Variants in HR observed in about 807,000 individuals in gnomAD.
HR encodes HR lysine demethylase and nuclear receptor corepressor, also known as lysine-specific demethylase hairless.
Under a neutral mutation model 128.6 loss-of-function variants are expected in HR, and 83 were observed. That is an observed-to-expected ratio of 0.65 (90% CI 0.54 to 0.77). The LOEUF (loss-of-function observed/expected upper bound fraction) is 0.77, where lower values mean the gene tolerates loss of function less well. Ranked by LOEUF, HR falls within the 30% of genes least tolerant of loss-of-function variation. The probability of loss-of-function intolerance (pLI) is 0.00; values close to 1 mark genes in which losing one functional copy is unlikely to be tolerated. For missense variants in HR, 1,490 were observed against 1,574.6 expected (o/e 0.95, Z 0.91); for synonymous variants, 681 against 658.2 (o/e 1.03, Z -0.53).
Position 22,128,600 on chromosome 8 carries a change from C to G in HR, c.571G>C (p.Gly191Arg). ...LTPHPWVYSG[G>R]QPKVPSAFSL... is the part of the protein sequence containing the mutation. ...AAGGCAGAGGGCACTTTGGGCTGGC[C>G]CCCGGAGTATACCCAGGGGTGCGGG... is the stretch of plus-strand genomic sequence containing the variant. The change falls in exon 2 of 19, where the codon GGC (glycine) becomes CGC (arginine). Residue 191 changes from glycine (G) to arginine (R), a missense_variant. Transcript: ENST00000381418. 1 of 1,608,838 alleles carries G rather than the reference C, an allele frequency of 6.2e-7. No homozygotes were observed. The highest frequency in any genetic ancestry group is 8.5e-7 in the Non-Finnish European group (1 of 1,178,446).
At chr8:22,124,174 G>A (rs1423713781) in intron 5 of HR, among the ~76,000 whole-genome samples, 1 of 152,164 alleles carries the variant, frequency 6.6e-6, no homozygotes, top group African/African-American at 2.4e-5. Context: ...TTCCCTCCAA[G>A]CCCTAGGTGC....
In HR at chr8:22,125,667, G is replaced by A; in HGVS notation, c.1471C>T (p.Pro491Ser). ...GLQDIPCLAL[P>S]AKLAQCQSCA... ...CTTTGGCATTGAGCCAGTTTTGCAG[G>A]GAGAGCCAGGCATGGTATGTCCTGA... Residue 491 changes from proline (P) to serine (S), a missense_variant, in exon 4 of 19, where the codon CCT (proline) becomes TCT (serine). By Grantham distance (74) the Pro-to-Ser change is moderately conservative. Coordinates refer to ENST00000381418, the MANE Select transcript of HR (RefSeq NM_005144.5). 1.2e-6 allele frequency: 2 copies of A among 1,613,704 alleles called. No homozygotes were observed. Among genetic ancestry groups the A allele is most frequent in the Non-Finnish European group, 1.7e-6 (2 of 1,179,920 alleles).
At chr8:22,121,821 A>G in intron 8 of HR, 127 bp from the exon 9 acceptor site, 2 of 920,796 alleles carry the variant, frequency 2.2e-6, no homozygotes, top group South Asian at 2.8e-5. Flanking sequence ...TATAGGAGCA[A>G]AATGCCATAG....
intron 8 of HR, 114 bp downstream of exon 8, chr8:22,122,379 A>T: frequency 1.4e-6 from 1 of 735,870 alleles, no homozygotes; most frequent in Non-Finnish European, 2.3e-6. Flanking sequence ...AATTAGCCTG[A>T]TCCCACAGGC....
intron 18 of HR, 67 bp from the exon 19 acceptor site, chr8:22,115,829 C>T (rs1223239951): frequency 1.3e-6 from 2 of 1,498,518 alleles, no homozygotes; most frequent in Non-Finnish European, 1.8e-6. Flanking sequence ...GTCCCCCACC[C>T]TACTTAAAAG....
intron 7 of HR, 28 bp from the exon 8 acceptor site, chr8:22,122,636 A>AGGTT (rs1367842413): frequency 7.6e-6 from 12 of 1,572,630 alleles, no homozygotes; most frequent in Non-Finnish European, 1.0e-5. Flanking sequence ...CAGGAGAGGG[A>AGGTT]GGTTGGTGGT....
In HR at chr8:22,123,671, A is replaced by G. The variant is rs780456629; in HGVS notation, c.1893T>C (p.Thr631=). The G allele has an allele frequency of 1.1e-4, 140 of 1,225,176 alleles. 1 individual carries two copies. The highest frequency in any genetic ancestry group is 1.0e-3 in the South Asian group (76 of 76,276). The allele number at this position is 1,225,176 out of a possible 1,614,324, so 75.9% of individuals were successfully genotyped here. A position where few individuals can be genotyped will look rare whatever the true frequency, so the allele number is the denominator to read the frequency against. The change falls in exon 6 of 19, where the codon ACT becomes ACC. Residue 631 remains threonine (T), a synonymous_variant. Transcript: ENST00000381418. ...TACCTGCTTTCTCCCTGGCCCGCCC[A>G]GTGCCTGCCACACGACCACAGGCCA... ...LCVACGRVAG[T]GRAREKAGFQ...
rs1444254529 is a variant in HR at position 22,116,464 on chromosome 8, T to G, written c.3379-36A>C. The G allele has an allele frequency of 1.9e-6, 3 of 1,606,670 alleles. No homozygotes were observed. Among genetic ancestry groups the G allele is most frequent in the Non-Finnish European group, 2.5e-6 (3 of 1,176,620 alleles). On this transcript the variant is annotated intron_variant, in intron 17 of 18. Coordinates refer to ENST00000381418, the MANE Select transcript of HR (RefSeq NM_005144.5). The surrounding 1 kb of genome is among the most constrained non-coding windows in gnomAD (Gnocchi z 4.2). ...GGGACATGGACAGTGAGGCTCAAGA[T>G]CACACATCCTCTCCCTGTCCCCCTG...
chr8:22,120,615 T>C, intron 11 of HR, 101 bp downstream of exon 11: 1 of 1,576,470 alleles, frequency 6.3e-7, no homozygotes, highest in Admixed American at 1.7e-5. Flanking sequence ...ACAGCCCTCC[T>C]GCTCCCCCTG....
At chr8:22,118,619 T>TG in intron 16 of HR, 1 of 398,620 alleles carries the variant, frequency 2.5e-6, no homozygotes, top group Non-Finnish European at 4.7e-6. Context: ...AAAGGAGCAG[T>TG]GCCTGCCTCA....
intron 14 of HR, 61 bp downstream of exon 14, chr8:22,119,699 C>T: frequency 6.4e-7 from 1 of 1,552,410 alleles, no homozygotes; most frequent in Non-Finnish European, 8.7e-7. Context: ...CTCGTGTGCC[C>T]CGAGATGACA....
Position 22,127,186 on chromosome 8 carries a change from A to T in HR, c.1256T>A (p.Val419Asp), listed in dbSNP as rs1586384655. 6.2e-7 allele frequency: 1 copy of T among 1,612,770 alleles called. No homozygotes were observed. Among genetic ancestry groups the T allele is most frequent in the African/African-American group, 1.3e-5 (1 of 74,934 alleles). Residue 419 changes from valine (V) to aspartate (D), a missense_variant, in exon 3 of 19, where the codon GTC becomes GAC. Val to Asp is a radical substitution (Grantham distance 152, BLOSUM62 -3). This residue lies in a region of HR where 1,060 missense variants were observed against 1,060.9 expected (regional missense o/e 1.00). Coordinates refer to ENST00000381418, the MANE Select transcript of HR (RefSeq NM_005144.5). Reference sequence around the variant, plus strand: ...GGCTGGACTGCCCATTGCTCCCTGGACCTCGGGGCTGCCTGCCCTTTTGAG... The same window carrying T: ...GGCTGGACTGCCCATTGCTCCCTGGTCCTCGGGGCTGCCTGCCCTTTTGAG... ...RALKRAGSPE[V>D]QGAMGSPAPK...
At chr8:22,124,414 A>G (rs1270025168) in intron 5 of HR, among the ~76,000 whole-genome samples, 3 of 152,182 alleles carry the variant, frequency 2.0e-5, no homozygotes, top group African/African-American at 7.2e-5. Context: ...GTTTTCTAAG[A>G]ACCAAGTATG....
Position 22,127,486 on chromosome 8 carries a change from G to T in HR, c.956C>A (p.Pro319Gln). 6.2e-7 allele frequency: 1 copy of T among 1,611,396 alleles called. No homozygotes were observed. Residue 319 changes from proline to glutamine, a missense_variant, in exon 3 of 19, where the codon CCG becomes CAG. Pro to Gln is a moderately conservative substitution (Grantham distance 76, BLOSUM62 -1). Transcript: ENST00000381418. ...ACAGCAGCCCCGCTGGGTGACAGGC[G>T]GCTCAGGAGAGGGGCACCTTGGTGT... The part of the protein sequence containing the change: ...PATPRCPSPE[P>Q]PVTQRGCCSS...
chr8:22,125,454 G>C lies in HR; in HGVS notation c.1607C>G (p.Ser536Cys). 6.2e-7 allele frequency: 1 copy of C among 1,613,530 alleles called. No individual in the cohort carries two copies. ...GGACCCTGGGCCTTCCTCAGAGCTG[G>C]AGTTGGTGGCTGTGTCTTCCTCCTG... is the stretch of plus-strand genomic sequence containing the variant. Reference protein sequence around the residue: ...LQQEEDTATNSSSEEGPGSGP... With the variant: ...LQQEEDTATNCSSEEGPGSGP... Residue 536 changes from serine to cysteine, a missense_variant, in exon 5 of 19, where the codon TCC becomes TGC. Ser to Cys is a moderately radical substitution (Grantham distance 112). Transcript: ENST00000381418.
intron 1 of HR, among the ~76,000 whole-genome samples, 156 bp from the exon 2 acceptor site, chr8:22,129,366 A>G (rs1410206837): frequency 6.6e-6 from 1 of 152,194 alleles, no homozygotes; most frequent in African/African-American, 2.4e-5. Flanking sequence ...GCCTCTCCAC[A>G]TGCAGCCAGA....
intron 2 of HR, 62 bp from the exon 3 acceptor site, chr8:22,127,891 G>A: frequency 6.8e-7 from 1 of 1,481,062 alleles, no homozygotes. Context: ...TAAATGGATG[G>A]GCAGAACTGA....
intron 10 of HR, 41 bp downstream of exon 10, chr8:22,121,024 G>A: frequency 6.2e-7 from 1 of 1,612,918 alleles, no homozygotes; most frequent in Non-Finnish European, 8.5e-7. Context: ...CCCAGCCTCT[G>A]GTCCCCTGGC....
At chr8:22,120,232 G>T in intron 12 of HR, 59 bp from the exon 13 acceptor site, 1 of 1,600,914 alleles carries the variant, frequency 6.2e-7, no homozygotes, top group Non-Finnish European at 8.5e-7. Flanking sequence ...CTGCCCCGGC[G>T]GCAGCAACAC....
Sources: allele counts gnomAD v4.1 joint callset (sites outside exome capture counted in the v4.1 genomes callset), GRCh38; gene constraint gnomAD v4.1.1; regional missense constraint gnomAD v4.1.1; non-coding constraint Gnocchi (gnomAD v3.1); transcripts MANE v1.5; gene names NCBI Gene and HGNC (gene_info 2026-07-23, HGNC 2026-07-21).